The following GNPDA2 variants were observed in gnomAD, a reference collection of about 807,000 sequenced individuals.
GNPDA2 encodes the protein glucosamine-6-phosphate deaminase 2.
GNPDA2 carries 24 observed loss-of-function variants against 27.0 expected under a neutral mutation model. That is an observed-to-expected ratio of 0.89 (90% CI 0.64 to 1.25). GNPDA2 has a LOEUF of 1.25. Ranked by LOEUF, GNPDA2 falls within the 50% of genes most tolerant of loss-of-function variation. The pLI is 0.00. For synonymous variants in GNPDA2, 94 were observed against 108.4 expected, an observed-to-expected ratio of 0.87 and a Z score of 0.83; for missense variants, 286 against 335.1, an observed-to-expected ratio of 0.85 and a Z score of 1.14.
At chr4:44,710,888 A>C (rs1716931217) in intron 5 of GNPDA2, 65 bp downstream of exon 5, 5 of 1,249,344 alleles carry the variant, frequency 4.0e-6, no homozygotes, top group Non-Finnish European at 4.4e-6. Flanking sequence ...TCAGCATCAT[A>C]ACTCCTCCAA....
Position 44,703,099 on chromosome 4 carries a change from A to G in GNPDA2, c.813T>C (p.Ser271=), listed in dbSNP as rs777554828. 5.6e-6 allele frequency: 9 copies of G among 1,612,118 alleles called. No homozygotes were observed. The highest frequency in any genetic ancestry group is 6.8e-6 in the Non-Finnish European group (8 of 1,179,020). The part of the protein sequence containing the change: ...VHNKLVDPLF[S]MKDGN ...GTCTCCTTCAGTTTCCATCTTTCAT[A>G]CTGAATAGTGGATCCACAAGTTTAT... is the stretch of plus-strand genomic sequence containing the variant. The change falls in exon 7 of 7, where the codon AGT becomes AGC. Residue 271 remains serine (S), a synonymous_variant. Coordinates refer to ENST00000295448, the MANE Select transcript of GNPDA2 (RefSeq NM_138335.3).
intron 1 of GNPDA2, among the ~76,000 whole-genome samples, chr4:44,725,226 G>T (rs1717938216): frequency 6.6e-6 from 1 of 152,162 alleles, no homozygotes; most frequent in Admixed American, 6.5e-5. Context: ...CTCTGAGGTT[G>T]AAAGCATTAT....
At chr4:44,704,709 C>T (rs1560355908) in intron 6 of GNPDA2, 1 of 978,028 alleles carries the variant, frequency 1.0e-6, no homozygotes. Context: ...TAAAAATGCA[C>T]CAGACTTCCT....
At position 44,710,974 on chromosome 4, in the gene GNPDA2, C is replaced by A; in HGVS notation, c.573G>T (p.Gly191=). The A allele has an allele frequency of 3.1e-6, 5 of 1,608,908 alleles. No homozygotes were observed. Among genetic ancestry groups the A allele is most frequent in the Non-Finnish European group, 4.2e-6 (5 of 1,177,890 alleles). ...TTACTTCTCTAGCATCCATCACTGT[C>A]CCCACACCAACAGTTAGAGCCATAG... ...VPTMALTVGV[G]TVMDAREVMI... is the part of the protein sequence containing the mutation. The change falls in exon 5 of 7, where the codon GGG becomes GGT. Residue 191 remains glycine (G), a synonymous_variant. Coordinates refer to ENST00000295448, the MANE Select transcript of GNPDA2 (RefSeq NM_138335.3).
At chr4:44,722,730 G>A (rs1717757477) in intron 1 of GNPDA2, among the ~76,000 whole-genome samples, 1 of 152,110 alleles carries the variant, frequency 6.6e-6, no homozygotes, top group Non-Finnish European at 1.5e-5. Flanking sequence ...TACAATATGA[G>A]GGACTTAAGC....
intron 1 of GNPDA2, among the ~76,000 whole-genome samples, chr4:44,722,677 T>C (rs1001247546): frequency 2.0e-5 from 3 of 152,134 alleles, no homozygotes; most frequent in African/African-American, 4.8e-5. Flanking sequence ...AGAGATAAAG[T>C]ATATGGGAGT....
intron 6 of GNPDA2, chr4:44,704,376 G>A: frequency 1.8e-5 from 17 of 949,704 alleles, no homozygotes; most frequent in Non-Finnish European, 2.1e-5. Context: ...TACTTAAATA[G>A]TATTCATCTG....
intron 6 of GNPDA2, chr4:44,706,790 C>G (rs1364028228): frequency 6.6e-6 from 1 of 151,634 alleles, no homozygotes; most frequent in Non-Finnish European, 1.5e-5. Flanking sequence ...GCAATAATAT[C>G]CAAAAAATAT....
At chr4:44,705,477 CCT>C (rs1716532279) in intron 6 of GNPDA2, 4 of 985,146 alleles carry the variant, frequency 4.1e-6, no homozygotes, top group Non-Finnish European at 4.8e-6. Flanking sequence ...GTGCAGCTAT[CCT>C]CTCACGAATG....
Position 44,714,537 on chromosome 4 carries a change from G to A in GNPDA2, c.409+2576C>T, listed in dbSNP as rs971789388. 1.1e-5 allele frequency: 11 copies of A among 985,198 alleles called. No homozygotes were observed. In the African/African-American group the frequency reaches 1.9e-4, roughly 17 times the overall value. 61.0% of individuals were successfully genotyped at this position (985,198 alleles called of 1,614,324 possible). A position where few individuals can be genotyped will look rare whatever the true frequency, so the allele number is the denominator to read the frequency against. The stretch of plus-strand genomic sequence containing the variant: ...TCTACTGTTTCCAATTCAAAGGGCA[G>A]GAGTGAAAAACCCCATTCTGGCTTC... On this transcript the variant is annotated intron_variant, in intron 4 of 6. Coordinates refer to ENST00000295448, the MANE Select transcript of GNPDA2 (RefSeq NM_138335.3).
chr4:44,714,332 G>A, intron 4 of GNPDA2: 1 of 985,242 alleles, frequency 1.0e-6, no homozygotes, highest in Non-Finnish European at 1.2e-6. Flanking sequence ...GGTTAAGTCA[G>A]GAATTGCATG....
At chr4:44,706,776 T>G (rs1331582625) in intron 6 of GNPDA2, 1 of 151,968 alleles carries the variant, frequency 6.6e-6, no homozygotes, top group Non-Finnish European at 1.5e-5. Context: ...GGACCTTGTC[T>G]TAAGCAATAA....
chr4:44,706,959 A>G (rs1231602115), intron 6 of GNPDA2: 1 of 152,072 alleles, frequency 6.6e-6, no homozygotes, highest in East Asian at 1.9e-4. Flanking sequence ...GTAACTTTTA[A>G]TATCAGCTAT....
At chr4:44,705,358 T>C in intron 6 of GNPDA2, 1 of 985,046 alleles carries the variant, frequency 1.0e-6, no homozygotes, top group Non-Finnish European at 1.2e-6. Flanking sequence ...CCAGAATGTC[T>C]AAATTCTGTC....
rs536236682 is a variant in GNPDA2 at position 44,720,320 on chromosome 4, C to T, written c.124+1764G>A. On this transcript the variant is annotated intron_variant, in intron 2 of 6. Coordinates refer to ENST00000295448, the MANE Select transcript of GNPDA2 (RefSeq NM_138335.3). ...TGCCAAATGTCATATGGCTGTGAAA[C>T]CAGGGATTCCAATCTAGATAGGTCT... Among the ~76,000 whole-genome samples the T allele has an allele frequency of 2.6e-5, 4 of 152,134 alleles. No homozygotes were observed. The East Asian group carries it at 7.7e-4, about 29-fold the overall frequency.
intron 4 of GNPDA2, among the ~76,000 whole-genome samples, chr4:44,715,835 A>G (rs543329843): frequency 7.4e-4 from 113 of 152,196 alleles, no homozygotes; most frequent in African/African-American, 2.7e-3. Flanking sequence ...TGCTAGGTAG[A>G]AGTAAAAACT....
intron 1 of GNPDA2, among the ~76,000 whole-genome samples, chr4:44,723,219 T>G (rs980974439): frequency 1.3e-5 from 2 of 152,182 alleles, no homozygotes; most frequent in African/African-American, 4.8e-5. Context: ...ACTCACAGCT[T>G]CTGTTATCTG....
At chr4:44,703,339 T>G in intron 6 of GNPDA2, 197 bp from the exon 7 acceptor site, 1 of 1,362,326 alleles carries the variant, frequency 7.3e-7, no homozygotes, top group Non-Finnish European at 9.4e-7. Context: ...AAATACCAAT[T>G]TATAATTATG....
In GNPDA2 at chr4:44,701,831, C is replaced by T. The variant is rs1230610677; in HGVS notation, c.*1250G>A. The T allele has an allele frequency of 1.0e-6, 1 of 984,140 alleles. No individual in the cohort carries two copies. The highest frequency in any genetic ancestry group is 1.2e-6 in the Non-Finnish European group (1 of 829,062). 61.0% of individuals were successfully genotyped at this position (984,140 alleles called of 1,614,324 possible). A position where few individuals can be genotyped will look rare whatever the true frequency, so the allele number is the denominator to read the frequency against. On this transcript the variant is annotated 3_prime_UTR_variant, in exon 7 of 7. Coordinates refer to ENST00000295448, the MANE Select transcript of GNPDA2 (RefSeq NM_138335.3). ...CTGGAATTAAAGCAGCATAATTTAC[C>T]CCATCCCCCACTTTTAACCATAAAA...
Sources: allele counts gnomAD v4.1 joint callset (sites outside exome capture counted in the v4.1 genomes callset), GRCh38; gene constraint gnomAD v4.1.1; transcripts MANE v1.5; gene names NCBI Gene and HGNC (gene_info 2026-07-23, HGNC 2026-07-21).